CSMD3: variants seen among roughly 807,000 people sequenced by gnomAD.
CSMD3 encodes CUB and sushi domain-containing protein 3.
In CSMD3, 177 loss-of-function variants were observed where a neutral mutation model predicts 435.2. That is an observed-to-expected ratio of 0.41 (90% CI 0.36 to 0.46). CSMD3 has a LOEUF of 0.46. Ranked by LOEUF, CSMD3 falls within the 20% of genes least tolerant of loss-of-function variation. The pLI, the probability that CSMD3 is intolerant of heterozygous loss-of-function variation, is 0.34. For synonymous variants in CSMD3, 1,656 were observed against 1,520.5 expected (o/e 1.09, Z -2.07); for missense variants, 4,265 against 4,504.6 (o/e 0.95, Z 1.52).
intron 3 of CSMD3, among the ~76,000 whole-genome samples, chr8:113,239,954 A>T (rs865798159): frequency 6.6e-6 from 1 of 152,060 alleles, no homozygotes; most frequent in African/African-American, 2.4e-5. Context: ...CATCACCCAT[A>T]TATCAAGCCT....
chr8:112,435,982 G>T (rs766616412), intron 32 of CSMD3, among the ~76,000 whole-genome samples: 8 of 151,826 alleles, frequency 5.3e-5, no homozygotes, highest in Non-Finnish European at 1.2e-4. Flanking sequence ...CATAATTTGT[G>T]GCAATGCCCT....
chr8:113,131,830 G>A (rs982354361), intron 4 of CSMD3, among the ~76,000 whole-genome samples: 3 of 152,210 alleles, frequency 2.0e-5, no homozygotes, highest in Non-Finnish European at 4.4e-5. Flanking sequence ...ACCCTGAAGA[G>A]CCACAGGGGC....
At chr8:113,119,186 C>A (rs1461286045) in intron 4 of CSMD3, among the ~76,000 whole-genome samples, 2 of 152,024 alleles carry the variant, frequency 1.3e-5, no homozygotes, top group Non-Finnish European at 2.9e-5. Context: ...CAATGAAATT[C>A]AGGAGAAAGC....
chr8:113,428,143 T>C (rs532348464), intron 1 of CSMD3, among the ~76,000 whole-genome samples: 1 of 151,638 alleles, frequency 6.6e-6, no homozygotes, highest in Admixed American at 6.6e-5. Flanking sequence ...ATTAGTCAAG[T>C]TAAGTGAAAG....
In CSMD3 at chr8:112,458,375, G is replaced by T. The variant is rs536549170; in HGVS notation, c.5395+14216C>A. 2.0e-5 allele frequency among the ~76,000 whole-genome samples: 3 copies of T among 152,076 alleles called. No individual in the cohort carries two copies. The East Asian group carries it at 5.8e-4, about 29-fold the overall frequency. On this transcript the variant is annotated intron_variant, in intron 32 of 70. Transcript: ENST00000297405. ...CCTGTCCTCTCACCCAGATATGTTA[G>T]TTTACCCTCCCAAAGTCTTGGGTAA...
intron 63 of CSMD3, among the ~76,000 whole-genome samples, chr8:112,250,890 A>G (rs966138226): frequency 6.6e-6 from 1 of 151,824 alleles, no homozygotes; most frequent in Non-Finnish European, 1.5e-5. Context: ...GACATGTTTA[A>G]TCAGTAAACA....
At chr8:112,722,597 T>C (rs1470755768) in intron 13 of CSMD3, among the ~76,000 whole-genome samples, 1 of 151,976 alleles carries the variant, frequency 6.6e-6, no homozygotes, top group Non-Finnish European at 1.5e-5. Flanking sequence ...GTGTGTAGTG[T>C]AGGAGGGAGA....
In CSMD3 at chr8:112,452,656, G is replaced by T. The variant is rs557634565; in HGVS notation, c.5395+19935C>A. On this transcript the variant is annotated intron_variant, in intron 32 of 70. Coordinates refer to ENST00000297405, the MANE Select transcript of CSMD3 (RefSeq NM_198123.2). ...CAATGACAATTTAACTCTATAACAG[G>T]TTTTCAGAGTTTTCACATAGCAATG... Among the ~76,000 whole-genome samples the T allele has an allele frequency of 3.9e-4, 60 of 152,166 alleles. No homozygotes were observed. The South Asian group carries it at 0.012, about 31-fold the overall frequency.
chr8:113,089,469 A>G (rs1192163764), intron 5 of CSMD3, among the ~76,000 whole-genome samples: 11 of 152,324 alleles, frequency 7.2e-5, no homozygotes, highest in South Asian at 2.1e-4. Flanking sequence ...TTAACAATAC[A>G]TTGAATAATG....
At chr8:112,864,318 G>A (rs2080913478) in intron 10 of CSMD3, among the ~76,000 whole-genome samples, 1 of 151,600 alleles carries the variant, frequency 6.6e-6, no homozygotes, top group Non-Finnish European at 1.5e-5. Context: ...GCATGATCTC[G>A]GCTCATTGCA....
chr8:112,752,406 T>G (rs2077590849), intron 13 of CSMD3, among the ~76,000 whole-genome samples: 1 of 152,182 alleles, frequency 6.6e-6, no homozygotes, highest in Admixed American at 6.5e-5. Context: ...TTGTTTTTAT[T>G]CTAAATGTCT....
intron 9 of CSMD3, among the ~76,000 whole-genome samples, chr8:112,941,936 A>C (rs1012384235): frequency 6.6e-6 from 1 of 151,494 alleles, no homozygotes; most frequent in Non-Finnish European, 1.5e-5. Context: ...GCAATGAATG[A>C]ATCAACATTA....
At chr8:112,244,301 T>A (rs1814473796) in intron 65 of CSMD3, 93 bp downstream of exon 65, 2 of 1,061,136 alleles carry the variant, frequency 1.9e-6, no homozygotes, top group South Asian at 2.6e-5. Flanking sequence ...TTTCCCTTGT[T>A]CCTATGCTAA....
intron 61 of CSMD3, among the ~76,000 whole-genome samples, chr8:112,256,717 T>G (rs978712999): frequency 6.6e-6 from 1 of 152,224 alleles, no homozygotes; most frequent in Non-Finnish European, 1.5e-5. Flanking sequence ...GATTTTCAAA[T>G]GTACTCGATT....
intron 9 of CSMD3, among the ~76,000 whole-genome samples, chr8:112,932,102 T>C (rs2083128586): frequency 6.6e-6 from 1 of 152,164 alleles, no homozygotes; most frequent in South Asian, 2.1e-4. Flanking sequence ...TGGGTATTCA[T>C]CCAAAGGAAA....
At chr8:112,648,339 T>C (rs1346334488) in intron 19 of CSMD3, among the ~76,000 whole-genome samples, 5 of 152,158 alleles carry the variant, frequency 3.3e-5, no homozygotes, top group Non-Finnish European at 7.3e-5. Context: ...ATAAACATAA[T>C]TCAGTCCTTG....
intron 13 of CSMD3, among the ~76,000 whole-genome samples, chr8:112,692,913 A>ATC (rs2076167723): frequency 2.8e-5 from 4 of 144,494 alleles, no homozygotes; most frequent in Admixed American, 7.1e-5. Context: ...ATTAATCTTT[A>ATC]TATCTATCTA....
chr8:113,106,174 G>A (rs1297933970), intron 4 of CSMD3, among the ~76,000 whole-genome samples: 2 of 151,756 alleles, frequency 1.3e-5, no homozygotes, highest in East Asian at 3.9e-4. Flanking sequence ...ATACATGTTA[G>A]AGAATATATA....
intron 23 of CSMD3, among the ~76,000 whole-genome samples, chr8:112,586,593 G>A (rs1454560470): frequency 6.6e-6 from 1 of 150,912 alleles, no homozygotes; most frequent in Admixed American, 6.6e-5. Context: ...TTCATAAAAT[G>A]TATCCATAGT....
Sources: allele counts gnomAD v4.1 joint callset (sites outside exome capture counted in the v4.1 genomes callset), GRCh38; gene constraint gnomAD v4.1.1; transcripts MANE v1.5; gene names NCBI Gene and HGNC (gene_info 2026-07-23, HGNC 2026-07-21).